Variants in CSMD1 observed in about 807,000 individuals in gnomAD.
The protein encoded by CSMD1 is CUB and Sushi multiple domains 1, also known as CUB and sushi domain-containing protein 1.
Under a neutral mutation model 417.5 loss-of-function variants are expected in CSMD1, and 213 were observed. The observed-to-expected ratio is 0.51, with a 90% CI of 0.46 to 0.57. The LOEUF (loss-of-function observed/expected upper bound fraction) is 0.57. Among genes scored for constraint, CSMD1 ranks in the 20% least tolerant of loss-of-function variants. The pLI is 0.00. For missense variants in CSMD1, 6,923 were observed against 4,529.7 expected (o/e 1.53, Z -15.17); for synonymous variants, 2,862 against 1,736.8 (o/e 1.65, Z -16.11).
intron 1 of CSMD1, among the ~76,000 whole-genome samples, chr8:4,877,665 A>C (rs1214373944): frequency 6.6e-6 from 1 of 152,052 alleles, no homozygotes; most frequent in Non-Finnish European, 1.5e-5. Flanking sequence ...AATAAACACA[A>C]ATTGAAACTA....
chr8:4,835,037 A>C (rs1467795488), intron 1 of CSMD1, among the ~76,000 whole-genome samples: 1 of 148,700 alleles, frequency 6.7e-6, no homozygotes, highest in Non-Finnish European at 1.5e-5. Flanking sequence ...TTGGGGGAAC[A>C]AATGATGACA....
chr8:4,604,544 C>A (rs1220245333), intron 2 of CSMD1, among the ~76,000 whole-genome samples: 3 of 152,074 alleles, frequency 2.0e-5, no homozygotes, highest in African/African-American at 4.8e-5. Context: ...AATAAATGAA[C>A]GCTTTTATTT....
chr8:4,427,443 G>A (rs1323398103), intron 2 of CSMD1, among the ~76,000 whole-genome samples: 4 of 151,796 alleles, frequency 2.6e-5, no homozygotes, highest in African/African-American at 4.8e-5. Context: ...ACCATCCGGG[G>A]AAGATGCAAT....
intron 12 of CSMD1, among the ~76,000 whole-genome samples, chr8:3,442,772 C>G (rs1815071437): frequency 1.3e-5 from 2 of 152,048 alleles, no homozygotes; most frequent in African/African-American, 4.8e-5. Context: ...TATTTGAATT[C>G]TATTTGCTAC....
chr8:3,927,641 G>A (rs899207516), intron 5 of CSMD1, among the ~76,000 whole-genome samples: 1 of 151,896 alleles, frequency 6.6e-6, no homozygotes. Context: ...CTCCACACTC[G>A]GCGAAAGAGT....
chr8:4,095,000 G>T (rs1303470262), intron 3 of CSMD1, among the ~76,000 whole-genome samples: 2 of 152,190 alleles, frequency 1.3e-5, no homozygotes, highest in African/African-American at 4.8e-5. Flanking sequence ...AGGTGGACTA[G>T]AAATGGAGAG....
At chr8:4,360,591 G>A (rs184617907) in intron 3 of CSMD1, among the ~76,000 whole-genome samples, 9 of 152,218 alleles carry the variant, frequency 5.9e-5, no homozygotes, top group Admixed American at 2.0e-4. Flanking sequence ...CCAGGTTCAC[G>A]TCATTCTCCT....
intron 1 of CSMD1, among the ~76,000 whole-genome samples, chr8:4,883,704 AT>A (rs1308474100): frequency 2.0e-5 from 3 of 151,898 alleles, no homozygotes; most frequent in Non-Finnish European, 4.4e-5. Context: ...GCCATACCAT[AT>A]TTTGTGTATT....
At chr8:4,474,336 T>A (rs1358395203) in intron 2 of CSMD1, among the ~76,000 whole-genome samples, 2 of 152,176 alleles carry the variant, frequency 1.3e-5, no homozygotes, top group African/African-American at 4.8e-5. Context: ...TCAGACATTA[T>A]AAGGAAGATT....
chr8:3,382,631 ATCTC>A (rs1030103533), intron 18 of CSMD1, among the ~76,000 whole-genome samples: 97 of 144,686 alleles, frequency 6.7e-4, no homozygotes, highest in Non-Finnish European at 8.3e-4. Flanking sequence ...AAATATAAAT[ATCTC>A]TCTCTATATA....
At chr8:3,000,767 G>A (rs1385224531) in intron 52 of CSMD1, among the ~76,000 whole-genome samples, 1 of 152,186 alleles carries the variant, frequency 6.6e-6, no homozygotes, top group Non-Finnish European at 1.5e-5. Context: ...ATGCACAGCT[G>A]ACAGCTGAAA....
chr8:3,370,310 C>A (rs769485857), intron 18 of CSMD1, among the ~76,000 whole-genome samples: 1 of 152,170 alleles, frequency 6.6e-6, no homozygotes, highest in Non-Finnish European at 1.5e-5. Context: ...AATGGAGTCA[C>A]CAGAGCCGGA....
intron 3 of CSMD1, among the ~76,000 whole-genome samples, chr8:4,304,984 C>T (rs755954079): frequency 1.3e-5 from 2 of 152,256 alleles, no homozygotes; most frequent in Non-Finnish European, 2.9e-5. Context: ...GATGGTAATG[C>T]CAATGCCTGT....
chr8:3,539,232 T>A (rs903938075), intron 10 of CSMD1, among the ~76,000 whole-genome samples: 1 of 152,178 alleles, frequency 6.6e-6, no homozygotes, highest in Admixed American at 6.5e-5. Flanking sequence ...CTCATGTGTA[T>A]CATTAATCCT....
intron 18 of CSMD1, among the ~76,000 whole-genome samples, chr8:3,381,092 C>G (rs1286685701): frequency 6.6e-6 from 1 of 151,936 alleles, no homozygotes; most frequent in African/African-American, 2.4e-5. Flanking sequence ...TTTTCATTAC[C>G]AGATCAAGAG....
intron 1 of CSMD1, among the ~76,000 whole-genome samples, chr8:4,922,826 G>C (rs1165845686): frequency 1.3e-5 from 2 of 152,204 alleles, no homozygotes; most frequent in African/African-American, 4.8e-5. Context: ...GAAATGACTT[G>C]AGGAATTCCT....
chr8:4,489,421 T>C (rs1801584812), intron 2 of CSMD1, among the ~76,000 whole-genome samples: 1 of 152,232 alleles, frequency 6.6e-6, no homozygotes, highest in Non-Finnish European at 1.5e-5. Context: ...TTCAAAGTGA[T>C]GCTCAAAGTC....
At chr8:3,370,609 C>A (rs148002243) in intron 18 of CSMD1, among the ~76,000 whole-genome samples, 1 of 152,310 alleles carries the variant, frequency 6.6e-6, no homozygotes, top group East Asian at 1.9e-4. Context: ...AGTCAGTGGA[C>A]TGAGTGAAGA....
At chr8:3,142,303 AAAC>A (rs747770698) in intron 41 of CSMD1, among the ~76,000 whole-genome samples, 159 bp downstream of exon 41, 6 of 152,214 alleles carry the variant, frequency 3.9e-5, no homozygotes, top group Admixed American at 6.5e-5. Flanking sequence ...CTGTTTTCAA[AAAC>A]AACAAGTGTT....
Sources: gnomAD v4.1 joint callset for allele counts (sites outside exome capture counted in the v4.1 genomes callset) on GRCh38, gnomAD v4.1.1 for gene constraint, MANE v1.5 for transcripts, NCBI Gene and HGNC (gene_info 2026-07-23, HGNC 2026-07-21) for gene names.